Variants in TRIM66 observed in about 807,000 individuals in gnomAD.
TRIM66 encodes tripartite motif-containing protein 66.
Under a neutral mutation model 148.2 loss-of-function variants are expected in TRIM66, and 99 were observed. The observed-to-expected ratio is 0.67, with a 90% CI of 0.57 to 0.79. The LOEUF (loss-of-function observed/expected upper bound fraction) is 0.79. TRIM66 is among the 30% of genes least tolerant of loss of function. The pLI, the probability that TRIM66 is intolerant of heterozygous loss-of-function variation, is 0.00. For synonymous variants in TRIM66, 616 were observed against 635.9 expected (o/e 0.97, Z 0.47); for missense variants, 1,666 against 1,697.9 (o/e 0.98, Z 0.33).
In TRIM66 at chr11:8,617,959, G is replaced by T; in HGVS notation, c.4164C>A (p.Ser1388Arg). The T allele has an allele frequency of 1.3e-6, 2 of 1,551,716 alleles. No homozygotes were observed. Among genetic ancestry groups the T allele is most frequent in the Non-Finnish European group, 8.7e-7 (1 of 1,146,994 alleles). The stretch of plus-strand genomic sequence containing the variant: ...CTTTTGGCTCTCACACCTGAGAGAT[G>T]CTGTTGGCCAGGCGAAATGACATTC... ...AKRMSFRLAN[S>R]ISQV Residue 1388 changes from serine to arginine, a missense_variant, in exon 25 of 25, where the codon AGC becomes AGA. Ser to Arg is a moderately radical substitution (Grantham distance 110). This residue lies in a region of TRIM66 where 204 missense variants were observed against 231.0 expected (regional missense o/e 0.88). Transcript: ENST00000646038.
intron 6 of TRIM66, among the ~76,000 whole-genome samples, chr11:8,654,178 C>T (rs1034225537): frequency 6.6e-6 from 1 of 152,252 alleles, no homozygotes; most frequent in African/African-American, 2.4e-5. Context: ...TCCTCTGCTC[C>T]CTTGGCCTTA....
Position 8,620,434 on chromosome 11 carries a change from A to T in TRIM66, c.3672+12T>A, listed in dbSNP as rs759575006. 22 of 1,550,992 alleles carry T rather than the reference A, an allele frequency of 1.4e-5. No individual in the cohort carries two copies. Among genetic ancestry groups the T allele is most frequent in the Non-Finnish European group, 1.9e-5 (22 of 1,146,724 alleles). ...AAGGCAGGGAACCTTGTTTCCAAAG[A>T]CTCCTCCCTACCTTCTGGTCATACA... On this transcript the variant is annotated intron_variant, in intron 21 of 24. Coordinates refer to ENST00000646038, the MANE Select transcript of TRIM66 (RefSeq NM_001388022.1).
intron 6 of TRIM66, among the ~76,000 whole-genome samples, chr11:8,666,246 G>A (rs1206585414): frequency 1.3e-5 from 2 of 150,346 alleles, no homozygotes; most frequent in Middle Eastern, 3.2e-3. Flanking sequence ...GGCTGAGAGA[G>A]GAGAATCGCT....
At chr11:8,641,188 T>C (rs2036358982) in intron 13 of TRIM66, 36 bp from the exon 14 acceptor site, 1 of 1,515,166 alleles carries the variant, frequency 6.6e-7, no homozygotes, top group South Asian at 1.3e-5. Flanking sequence ...TCAAAAGTTT[T>C]TCAAGTTGCT....
At chr11:8,654,753 A>C (rs1445427926) in intron 6 of TRIM66, among the ~76,000 whole-genome samples, 1 of 152,240 alleles carries the variant, frequency 6.6e-6, no homozygotes, top group Non-Finnish European at 1.5e-5. Flanking sequence ...TTATAACAAA[A>C]GGATGTTTAC....
chr11:8,678,249 C>T (rs993576875), intron 3 of TRIM66: 6 of 151,680 alleles, frequency 4.0e-5, no homozygotes, highest in African/African-American at 1.5e-4. Context: ...GCAAAGAATA[C>T]AATAAGAATT....
In TRIM66 at chr11:8,617,903, T is replaced by C. The variant is rs1211737496; in HGVS notation, c.*41A>G. On this transcript the variant is annotated 3_prime_UTR_variant, in exon 25 of 25. Coordinates refer to ENST00000646038, the MANE Select transcript of TRIM66 (RefSeq NM_001388022.1). Reference sequence around the variant, plus strand: ...AGATGGGGAGGAATGGTCGACAGTATGGGACAACAGCTGCCAGAGTGCCCA... The same window carrying C: ...AGATGGGGAGGAATGGTCGACAGTACGGGACAACAGCTGCCAGAGTGCCCA... The C allele has an allele frequency of 1.3e-6, 2 of 1,545,006 alleles. No homozygotes were observed. The highest frequency in any genetic ancestry group is 2.4e-5 in the East Asian group (1 of 40,890).
intron 6 of TRIM66, among the ~76,000 whole-genome samples, chr11:8,665,166 G>A (rs917369882): frequency 2.0e-5 from 3 of 151,000 alleles, no homozygotes; most frequent in Non-Finnish European, 2.9e-5. Context: ...GAGGATAAAC[G>A]TTCCAGAAAG....
chr11:8,646,815 T>G (rs910496990), intron 10 of TRIM66, among the ~76,000 whole-genome samples: 1 of 152,138 alleles, frequency 6.6e-6, no homozygotes, highest in Non-Finnish European at 1.5e-5. Context: ...AGCCCACCAG[T>G]TGACACAGCA....
At position 8,640,840 on chromosome 11, in the gene TRIM66, A is replaced by T; in HGVS notation, c.1535T>A (p.Leu512Gln). The T allele has an allele frequency of 6.4e-7, 1 of 1,550,434 alleles. No homozygotes were observed. Among genetic ancestry groups the T allele is most frequent in the Non-Finnish European group, 8.7e-7 (1 of 1,146,958 alleles). The change falls in exon 14 of 25, where the codon CTG becomes CAG. Residue 512 changes from leucine to glutamine, a missense_variant. Around this residue, in one of 3 missense-constraint regions of TRIM66, gnomAD observed 1,431 missense variants for 1,412.4 expected, o/e 1.01. Transcript: ENST00000646038. Reference sequence around the variant, plus strand: ...GCAGGCCAGCTCTTTCTCCCTGGGCAGCAGGGCAGAGCACTGCAGAGACCC... The same window carrying T: ...GCAGGCCAGCTCTTTCTCCCTGGGCTGCAGGGCAGAGCACTGCAGAGACCC... ...QLGSLQCSAL[L>Q]PREKELACSP...
At chr11:8,620,861 G>A (rs2034143775) in intron 20 of TRIM66, among the ~76,000 whole-genome samples, 171 bp downstream of exon 20, 1 of 152,230 alleles carries the variant, frequency 6.6e-6, no homozygotes, top group Non-Finnish European at 1.5e-5. Context: ...GCATCCACCT[G>A]TCTGTGTGCA....
In TRIM66 at chr11:8,643,094, T is replaced by C; in HGVS notation, c.1137A>G (p.Thr379=). The change falls in exon 13 of 25, where the codon ACA becomes ACG. Residue 379 remains threonine (T), a synonymous_variant. Coordinates refer to ENST00000646038, the MANE Select transcript of TRIM66 (RefSeq NM_001388022.1). ...IVFQMQRLLE[T]SCNTDPGSPW... ...GGGAGCCAGGATCTGTGTTACAACT[T>C]GTCTCCAGCAATCGCTGCATCTGAA... 1.9e-6 allele frequency: 3 copies of C among 1,551,162 alleles called. No homozygotes were observed. Among genetic ancestry groups the C allele is most frequent in the Non-Finnish European group, 2.6e-6 (3 of 1,146,786 alleles).
chr11:8,622,339 AACACACACACAC>A (rs150269400), intron 18 of TRIM66, among the ~76,000 whole-genome samples: 2 of 71,440 alleles, frequency 2.8e-5, no homozygotes, highest in Non-Finnish European at 6.4e-5. Flanking sequence ...ACACACACAC[AACACACACACAC>A]ACACACACAC....
At chr11:8,646,623 G>A in intron 10 of TRIM66, 62 bp from the exon 11 acceptor site, 1 of 1,362,700 alleles carries the variant, frequency 7.3e-7, no homozygotes, top group Non-Finnish European at 1.0e-6. Context: ...AAGACGAAGA[G>A]ACAGCAAACA....
At chr11:8,677,890 T>C (rs1175008560) in intron 3 of TRIM66, among the ~76,000 whole-genome samples, 1 of 152,204 alleles carries the variant, frequency 6.6e-6, no homozygotes, top group Admixed American at 6.5e-5. Flanking sequence ...GAAAGACTCC[T>C]AAAAATTCCT....
At position 8,619,517 on chromosome 11, in the gene TRIM66, T is replaced by C; in HGVS notation, c.3766A>G (p.Ile1256Val). The change falls in exon 23 of 25, where the codon ATT becomes GTT. Residue 1256 changes from isoleucine (I) to valine (V), a missense_variant. Transcript: ENST00000646038. ...GACAGGTCCATGGGCCTCTTGATAA[T>C]CTGGTAATAATGCCGGGCCTTGGGG... is the stretch of plus-strand genomic sequence containing the variant. ...VSPLARHYYQ[I>V]IKRPMDLSII... The C allele has an allele frequency of 1.3e-5, 20 of 1,546,582 alleles. No individual in the cohort carries two copies. Among genetic ancestry groups the C allele is most frequent in the Non-Finnish European group, 1.7e-5 (20 of 1,145,212 alleles).
chr11:8,681,465 T>G (rs934125175), intron 1 of TRIM66, among the ~76,000 whole-genome samples: 1 of 152,168 alleles, frequency 6.6e-6, no homozygotes, highest in Non-Finnish European at 1.5e-5. Context: ...AAATATATTT[T>G]AGCTGAAGGG....
Position 8,618,900 on chromosome 11 carries a change from GATCT to G in TRIM66, c.3965_3968del (p.Glu1322AlafsTer105). 1 of 1,551,416 alleles carries G rather than the reference GATCT, an allele frequency of 6.4e-7. No homozygotes were observed. Among genetic ancestry groups the G allele is most frequent in the Non-Finnish European group, 8.7e-7 (1 of 1,146,968 alleles). On this transcript the variant is annotated frameshift_variant, in exon 24 of 25. Transcript: ENST00000646038. LOFTEE classifies it high-confidence loss of function. The stretch of plus-strand genomic sequence containing the variant: ...GCTGGGCAAACCGTTTCTCCGGGTA[GATCT>G]CCTTCAACCAGCCCTCAAAGAACAC...
Position 8,624,515 on chromosome 11 carries a change from G to GT in TRIM66, c.2862dup (p.Leu955ThrfsTer27). 1 of 1,541,432 alleles carries GT rather than the reference G, an allele frequency of 6.5e-7. No individual in the cohort carries two copies. Among genetic ancestry groups the GT allele is most frequent in the Non-Finnish European group, 8.7e-7 (1 of 1,144,170 alleles). ...CCGGGGACTATGGGACCTTGTCCCA[G>GT]TAAGTCAGTGAAGCGAGTGGAATCC... On this transcript the variant is annotated frameshift_variant, in exon 17 of 25. Coordinates refer to ENST00000646038, the MANE Select transcript of TRIM66 (RefSeq NM_001388022.1). LOFTEE classifies it high-confidence loss of function.
Sources: allele counts gnomAD v4.1 joint callset (sites outside exome capture counted in the v4.1 genomes callset), GRCh38; gene constraint gnomAD v4.1.1; regional missense constraint gnomAD v4.1.1; transcripts MANE v1.5; gene names NCBI Gene and HGNC (gene_info 2026-07-23, HGNC 2026-07-21).